The following CPE variants were observed in gnomAD, a reference collection of about 807,000 sequenced individuals.
CPE encodes carbocypeptidase E.
CPE carries 17 observed loss-of-function variants against 53.5 expected under a neutral mutation model. That is an observed-to-expected ratio of 0.32 (90% CI 0.22 to 0.48). The LOEUF (loss-of-function observed/expected upper bound fraction) is 0.48. Among genes scored for constraint, CPE ranks in the 20% least tolerant of loss-of-function variants. CPE has a pLI of 0.99. For synonymous variants in CPE, 226 were observed against 228.8 expected (o/e 0.99, Z 0.11); for missense variants, 524 against 614.7 (o/e 0.85, Z 1.56).
At chr4:165,452,712 A>C (rs895651281) in intron 1 of CPE, among the ~76,000 whole-genome samples, 2 of 152,142 alleles carry the variant, frequency 1.3e-5, no homozygotes, top group East Asian at 1.9e-4. Context: ...CATGGCCCTC[A>C]GCTGTTGAAA....
At chr4:165,469,732 T>C (rs897076867) in intron 3 of CPE, among the ~76,000 whole-genome samples, 10 of 152,242 alleles carry the variant, frequency 6.6e-5, no homozygotes, top group African/African-American at 2.4e-4. Flanking sequence ...GATCACTTGA[T>C]TGTAAGAATT....
intron 1 of CPE, among the ~76,000 whole-genome samples, chr4:165,384,451 T>C (rs1730555213): frequency 6.6e-6 from 1 of 152,152 alleles, no homozygotes; most frequent in Non-Finnish European, 1.5e-5. Context: ...CATGAGATCC[T>C]GTCTCTACAA....
chr4:165,396,056 C>G (rs1412163911), intron 1 of CPE, among the ~76,000 whole-genome samples: 1 of 151,936 alleles, frequency 6.6e-6, no homozygotes, highest in Non-Finnish European at 1.5e-5. Context: ...CCTCCCTCCT[C>G]TAAAGGAAAA....
Position 165,467,943 on chromosome 4 carries a change from G to A in CPE, c.672+88G>A. The A allele has an allele frequency of 3.5e-6, 5 of 1,409,402 alleles. No individual in the cohort carries two copies. In the South Asian group the frequency reaches 6.8e-5, roughly 19 times the overall value. 87.3% of individuals were successfully genotyped at this position (1,409,402 alleles called of 1,614,324 possible). A position where few individuals can be genotyped will look rare whatever the true frequency, so the allele number is the denominator to read the frequency against. On this transcript the variant is annotated intron_variant, in intron 3 of 8. Coordinates refer to ENST00000402744, the MANE Select transcript of CPE (RefSeq NM_001873.4). ...CTTCATCATCATGAAGGACAGAGGA[G>A]TAACATCACAGCTTGTATGGGGTGG...
At chr4:165,433,049 A>C (rs550008255) in intron 1 of CPE, among the ~76,000 whole-genome samples, 1 of 152,328 alleles carries the variant, frequency 6.6e-6, no homozygotes, top group East Asian at 1.9e-4. Context: ...TTCTAGAATC[A>C]GGTGACACTT....
chr4:165,404,733 C>T, intron 1 of CPE: 2 of 814,326 alleles, frequency 2.5e-6, no homozygotes, highest in East Asian at 4.9e-5. Flanking sequence ...AAGCCAGGTC[C>T]ATCCTTAACC....
At chr4:165,406,277 A>G (rs1349495619) in intron 1 of CPE, 5 of 617,304 alleles carry the variant, frequency 8.1e-6, no homozygotes, top group South Asian at 7.4e-5. Context: ...TGCGGCGTAT[A>G]TAACCTTGGG....
At chr4:165,445,202 C>T (rs368592553) in intron 1 of CPE, among the ~76,000 whole-genome samples, 26 of 152,182 alleles carry the variant, frequency 1.7e-4, no homozygotes, top group Admixed American at 4.6e-4. Context: ...GTGATCTGCC[C>T]GCCTCGAACT....
At position 165,405,055 on chromosome 4, in the gene CPE, T is replaced by A. The variant is rs1432970470; in HGVS notation, c.307+25527T>A. 10 of 720,048 alleles carry A rather than the reference T, an allele frequency of 1.4e-5. No homozygotes were observed. In the Admixed American group the frequency reaches 2.0e-4, roughly 14 times the overall value. 44.6% of individuals were successfully genotyped at this position (720,048 alleles called of 1,614,324 possible). On this transcript the variant is annotated intron_variant, in intron 1 of 8. Transcript: ENST00000402744. ...ATCACCATGTCTGTCTTTCAAAACCTTGGTAATCAAGCTTCCCAGTCAAGT... is the reference window on the plus strand; with the variant it reads ...ATCACCATGTCTGTCTTTCAAAACCATGGTAATCAAGCTTCCCAGTCAAGT...
intron 1 of CPE, among the ~76,000 whole-genome samples, chr4:165,461,330 G>A (rs548024661): frequency 1.3e-5 from 2 of 152,026 alleles, no homozygotes; most frequent in Admixed American, 6.6e-5. Flanking sequence ...TTATAGGGAC[G>A]AGCCTCGTGG....
At chr4:165,479,965 C>G (rs1732374413) in intron 3 of CPE, among the ~76,000 whole-genome samples, 1 of 143,252 alleles carries the variant, frequency 7.0e-6, no homozygotes, top group East Asian at 2.0e-4. Context: ...GCACTCTAGC[C>G]TGGGTGACAG....
chr4:165,426,364 A>G (rs549604750), intron 1 of CPE, among the ~76,000 whole-genome samples: 3 of 152,342 alleles, frequency 2.0e-5, no homozygotes, highest in South Asian at 2.1e-4. Context: ...GCCTCCAGCT[A>G]TGGTGATTAA....
intron 1 of CPE, among the ~76,000 whole-genome samples, chr4:165,446,857 G>C (rs1294775106): frequency 1.3e-5 from 2 of 152,180 alleles, no homozygotes; most frequent in African/African-American, 4.8e-5. Context: ...GCACAAGTAT[G>C]TATTGATAAA....
chr4:165,407,821 G>A (rs1730975950), intron 1 of CPE, among the ~76,000 whole-genome samples: 1 of 150,924 alleles, frequency 6.6e-6, no homozygotes, highest in African/African-American at 2.4e-5. Context: ...CTCCCAAAAT[G>A]TTGGGATTAT....
intron 1 of CPE, among the ~76,000 whole-genome samples, chr4:165,451,499 T>C (rs1731807911): frequency 6.6e-6 from 1 of 151,988 alleles, no homozygotes. Flanking sequence ...TATTTATTTA[T>C]TTATTTACTT....
intron 1 of CPE, among the ~76,000 whole-genome samples, chr4:165,435,959 A>G (rs1257899644): frequency 1.3e-5 from 2 of 151,966 alleles, no homozygotes; most frequent in Non-Finnish European, 1.5e-5. Flanking sequence ...ACACTTTTTA[A>G]CCTGGTTGCC....
At chr4:165,421,690 T>C (rs532043844) in intron 1 of CPE, among the ~76,000 whole-genome samples, 1 of 152,320 alleles carries the variant, frequency 6.6e-6, no homozygotes, top group South Asian at 2.1e-4. Flanking sequence ...CTAAACATTG[T>C]GCTCACATTT....
intron 1 of CPE, among the ~76,000 whole-genome samples, chr4:165,417,804 C>T (rs867544460): frequency 1.1e-4 from 16 of 151,284 alleles, no homozygotes; most frequent in South Asian, 4.2e-4. Context: ...ATTAAATCTC[C>T]AGCCCCTGGT....
chr4:165,421,175 G>A (rs1282610316), intron 1 of CPE, among the ~76,000 whole-genome samples: 1 of 152,126 alleles, frequency 6.6e-6, no homozygotes, highest in Non-Finnish European at 1.5e-5. Flanking sequence ...TGATCCAATA[G>A]CAAGACACAA....
Sources: gnomAD v4.1 joint callset for allele counts (sites outside exome capture counted in the v4.1 genomes callset) on GRCh38, gnomAD v4.1.1 for gene constraint, MANE v1.5 for transcripts, NCBI Gene and HGNC (gene_info 2026-07-23, HGNC 2026-07-21) for gene names.